ATP11B: variants seen among roughly 807,000 people sequenced by gnomAD.
ATP11B encodes ATPase phospholipid transporting 11B (putative).
Under a neutral mutation model 157.8 loss-of-function variants are expected in ATP11B, and 81 were observed. That is an observed-to-expected ratio of 0.51 (90% confidence interval 0.43 to 0.62). The LOEUF (loss-of-function observed/expected upper bound fraction) is 0.62, where lower values mean the gene tolerates loss of function less well. ATP11B is among the 20% of genes least tolerant of loss of function. The probability of loss-of-function intolerance (pLI) is 0.00; values close to 1 mark genes in which losing one functional copy is unlikely to be tolerated. For missense variants in ATP11B, 1,165 were observed against 1,402.2 expected (o/e 0.83, Z 2.70); for synonymous variants, 451 against 469.4 (o/e 0.96, Z 0.51).
intron 29 of ATP11B, chr3:182,916,115 T>G (rs942342555): frequency 1.0e-6 from 1 of 985,268 alleles, no homozygotes; most frequent in Non-Finnish European, 1.2e-6. Context: ...TTGCCATAGA[T>G]GCATCAATAT....
intron 12 of ATP11B, among the ~76,000 whole-genome samples, chr3:182,862,513 C>T (rs1026395513): frequency 6.6e-6 from 1 of 152,166 alleles, no homozygotes; most frequent in South Asian, 2.1e-4. Context: ...GGGAATACAC[C>T]TTCCAGCTGT....
At chr3:182,859,438 AAGG>A (rs1193449133) in intron 12 of ATP11B, 79 bp downstream of exon 12, 11 of 1,301,834 alleles carry the variant, frequency 8.4e-6, no homozygotes, top group Non-Finnish European at 1.1e-5. Flanking sequence ...TTAATGTAAC[AAGG>A]TATTATGATG....
At chr3:182,836,313 A>C in intron 5 of ATP11B, 29 bp from the exon 6 acceptor site, 1 of 1,612,166 alleles carries the variant, frequency 6.2e-7, no homozygotes, top group Non-Finnish European at 8.5e-7. Context: ...AAAATTTATA[A>C]ATTCACTCTT....
intron 28 of ATP11B, among the ~76,000 whole-genome samples, chr3:182,911,275 C>CCCCCCCG (rs1010845839): frequency 2.5e-5 from 3 of 121,306 alleles, no homozygotes; most frequent in African/African-American, 9.9e-5. Flanking sequence ...TGAAATGCCC[C>CCCCCCCG]CCCCCGCTAA....
At chr3:182,819,606 T>C (rs1717199409) in intron 1 of ATP11B, among the ~76,000 whole-genome samples, 1 of 152,212 alleles carries the variant, frequency 6.6e-6, no homozygotes, top group Admixed American at 6.5e-5. Flanking sequence ...AGCATATTCA[T>C]ATCTCTATTT....
chr3:182,803,056 G>T (rs763481435), intron 1 of ATP11B, among the ~76,000 whole-genome samples: 1 of 152,106 alleles, frequency 6.6e-6, no homozygotes, highest in African/African-American at 2.4e-5. Flanking sequence ...GTTACAAAAA[G>T]TGTTACAATG....
Position 182,869,348 on chromosome 3 carries a change from A to G in ATP11B, c.1866+17A>G, listed in dbSNP as rs375984761. ...TTTGCTTTGGTGAGTGCAAATTTCTATGATTTAAAAAACTCTAAAAGATAT... is the reference window on the plus strand; with the variant it reads ...TTTGCTTTGGTGAGTGCAAATTTCTGTGATTTAAAAAACTCTAAAAGATAT... On this transcript the variant is annotated intron_variant, in intron 17 of 29. Coordinates refer to ENST00000323116, the MANE Select transcript of ATP11B (RefSeq NM_014616.3). 228 of 1,427,558 alleles carry G rather than the reference A, an allele frequency of 1.6e-4. 1 individual carries two copies. The African/African-American group carries it at 2.3e-3, about 15-fold the overall frequency. 88.4% of individuals were successfully genotyped at this position (1,427,558 alleles called of 1,614,324 possible).
chr3:182,850,437 C>T (rs557306166), intron 10 of ATP11B, among the ~76,000 whole-genome samples: 1 of 152,168 alleles, frequency 6.6e-6, no homozygotes, highest in South Asian at 2.1e-4. Flanking sequence ...CACGCCACTG[C>T]ACTCCAGCCT....
At chr3:182,811,593 T>C (rs1054200065) in intron 1 of ATP11B, among the ~76,000 whole-genome samples, 13 of 152,180 alleles carry the variant, frequency 8.5e-5, no homozygotes, top group African/African-American at 2.9e-4. Context: ...ACCTCTTAGC[T>C]ATAATAGAAC....
At chr3:182,917,072 T>C in intron 29 of ATP11B, 1 of 985,354 alleles carries the variant, frequency 1.0e-6, no homozygotes, top group Non-Finnish European at 1.2e-6. Context: ...ACTAGTCGAA[T>C]TAAAGTTGAG....
chr3:182,808,018 G>A (rs556496423), intron 1 of ATP11B, among the ~76,000 whole-genome samples: 5 of 152,270 alleles, frequency 3.3e-5, no homozygotes, highest in Admixed American at 3.3e-4. Flanking sequence ...ATACACATAG[G>A]TATTGTAAGA....
At chr3:182,885,240 C>T (rs1459884922) in intron 22 of ATP11B, among the ~76,000 whole-genome samples, 1 of 152,032 alleles carries the variant, frequency 6.6e-6, no homozygotes, top group Non-Finnish European at 1.5e-5. Flanking sequence ...GTGTGAGCTC[C>T]TCAATATGGA....
intron 10 of ATP11B, among the ~76,000 whole-genome samples, chr3:182,855,412 T>G (rs1486698082): frequency 6.6e-6 from 1 of 152,130 alleles, no homozygotes; most frequent in Non-Finnish European, 1.5e-5. Flanking sequence ...GAGTATAGAT[T>G]TAATGTAAAA....
In ATP11B at chr3:182,845,497, A is replaced by G; in HGVS notation, c.744A>G (p.Arg248=). Residue 248 remains arginine, a synonymous_variant, in exon 9 of 30, where the codon AGA becomes AGG. Transcript: ENST00000323116. ...AGAGTCTCCTGCTTCGTGGAGCCAG[A>G]TTAAAAAACACAAAAGAAATTTTTG... is the stretch of plus-strand genomic sequence containing the variant. ...GPESLLLRGA[R]LKNTKEIFGV... is the part of the protein sequence containing the mutation. 1 of 1,595,846 alleles carries G rather than the reference A, an allele frequency of 6.3e-7. No individual in the cohort carries two copies. The highest frequency in any genetic ancestry group is 8.5e-7 in the Non-Finnish European group (1 of 1,175,666).
rs539291135 is a variant in ATP11B, at chr3:182,889,623, A to G, written c.2982+75A>G. On this transcript the variant is annotated intron_variant, in intron 25 of 29. Coordinates refer to ENST00000323116, the MANE Select transcript of ATP11B (RefSeq NM_014616.3). ...TTTTATAGCTTTTGTCATAAAGTAA[A>G]ATTTAATTTAAATTACAGAACTTCA... 2.2e-5 allele frequency: 28 copies of G among 1,263,604 alleles called. No individual in the cohort carries two copies. The African/African-American group carries it at 4.0e-4, about 18-fold the overall frequency. The allele number at this position is 1,263,604 out of a possible 1,614,324, so 78.3% of individuals were successfully genotyped here. A position where few individuals can be genotyped will look rare whatever the true frequency, so the allele number is the denominator to read the frequency against.
At chr3:182,839,298 G>A (rs898387412) in intron 7 of ATP11B, among the ~76,000 whole-genome samples, 1 of 152,080 alleles carries the variant, frequency 6.6e-6, no homozygotes, top group Non-Finnish European at 1.5e-5. Context: ...GTGTGAGGAG[G>A]GAGAAGAGCA....
intron 7 of ATP11B, among the ~76,000 whole-genome samples, chr3:182,840,632 C>T (rs944991608): frequency 6.6e-6 from 1 of 152,200 alleles, no homozygotes; most frequent in Non-Finnish European, 1.5e-5. Context: ...GTCCATCCTT[C>T]CAATTGCTCA....
chr3:182,842,631 G>A (rs2108516386), intron 8 of ATP11B, among the ~76,000 whole-genome samples: 1 of 152,218 alleles, frequency 6.6e-6, no homozygotes, highest in South Asian at 2.1e-4. Flanking sequence ...AAAGGTGGGG[G>A]AAGAGTAGAG....
chr3:182,919,952 A>AGAG lies in ATP11B; in HGVS notation c.*1851_*1853dup, dbSNP rs1390500168. The AGAG allele has an allele frequency of 6.6e-6, 1 of 152,246 alleles. No individual in the cohort carries two copies. The highest frequency in any genetic ancestry group is 1.5e-5 in the Non-Finnish European group (1 of 68,040). The allele number at this position is 152,246 out of a possible 1,614,324, so 9.4% of individuals were successfully genotyped here. ...TGCATTCACTAATTCATGTTCCAGA[A>AGAG]GAGGAAATAATGAAGATATACTCAG... is the stretch of plus-strand genomic sequence containing the variant. On this transcript the variant is annotated 3_prime_UTR_variant, in exon 30 of 30. Coordinates refer to ENST00000323116, the MANE Select transcript of ATP11B (RefSeq NM_014616.3).
Sources: allele counts gnomAD v4.1 joint callset (sites outside exome capture counted in the v4.1 genomes callset), GRCh38; gene constraint gnomAD v4.1.1; transcripts MANE v1.5; gene names NCBI Gene and HGNC (gene_info 2026-07-23, HGNC 2026-07-21).